The following PKHD1 variants were observed in gnomAD, a reference collection of about 807,000 sequenced individuals.
PKHD1 encodes the protein PKHD1 ciliary IPT domain containing fibrocystin/polyductin.
A neutral mutation model predicts 412.0 loss-of-function variants in PKHD1; 291 were observed. The ratio of observed to expected loss-of-function variants is 0.71; its 90% CI spans 0.64 to 0.78. The LOEUF (loss-of-function observed/expected upper bound fraction) is 0.78, where lower values mean the gene tolerates loss of function less well. PKHD1 is among the 30% of genes least tolerant of loss of function. The probability of loss-of-function intolerance (pLI) is 0.00; values close to 1 mark genes in which losing one functional copy is unlikely to be tolerated. For missense variants in PKHD1, 4,825 were observed against 4,950.7 expected, an observed-to-expected ratio of 0.97 and a Z score of 0.76; for synonymous variants, 1,777 against 1,821.5, an observed-to-expected ratio of 0.98 and a Z score of 0.62.
chr6:51,891,036 G>C (rs1779029091), intron 43 of PKHD1, among the ~76,000 whole-genome samples: 1 of 152,164 alleles, frequency 6.6e-6, no homozygotes, highest in African/African-American at 2.4e-5. Context: ...CCCATCCAAG[G>C]ACAGGGTCTT....
chr6:51,756,154 CA>C (rs898821433), intron 55 of PKHD1, among the ~76,000 whole-genome samples: 1 of 151,912 alleles, frequency 6.6e-6, no homozygotes, highest in Non-Finnish European at 1.5e-5. Context: ...ATAGAGAAGA[CA>C]AAAAAACTAC....
chr6:51,885,754 AG>A lies in PKHD1; in HGVS notation c.7215+112del, dbSNP rs1434167037. Reference sequence around the variant, plus strand: ...TGACAGCACAGCAATGCTCCCCTCAAGGGCAAGTCAATCCCATTTAAGTAGA... The same window carrying A: ...TGACAGCACAGCAATGCTCCCCTCAAGGCAAGTCAATCCCATTTAAGTAGA... On this transcript the variant is annotated intron_variant, in intron 45 of 66. Coordinates refer to ENST00000371117, the MANE Select transcript of PKHD1 (RefSeq NM_138694.4). 7 of 757,254 alleles carry A rather than the reference AG, an allele frequency of 9.2e-6. No homozygotes were observed. The East Asian group carries it at 1.9e-4, about 20-fold the overall frequency. The allele number at this position is 757,254 out of a possible 1,614,324, so 46.9% of individuals were successfully genotyped here. A position where few individuals can be genotyped will look rare whatever the true frequency, so the allele number is the denominator to read the frequency against.
At chr6:51,950,307 G>T (rs1053028617) in intron 36 of PKHD1, among the ~76,000 whole-genome samples, 1 of 150,166 alleles carries the variant, frequency 6.7e-6, no homozygotes, top group African/African-American at 2.5e-5. Context: ...CATCAACTCA[G>T]ATTTCCCTGG....
intron 52 of PKHD1, among the ~76,000 whole-genome samples, chr6:51,819,819 C>A (rs1328624458): frequency 6.6e-6 from 1 of 152,158 alleles, no homozygotes; most frequent in Non-Finnish European, 1.5e-5. Context: ...GGGTTTTAAT[C>A]TCTTTTAGCT....
chr6:51,990,119 C>T (rs751806579), intron 35 of PKHD1, among the ~76,000 whole-genome samples: 1 of 151,050 alleles, frequency 6.6e-6, no homozygotes, highest in Non-Finnish European at 1.5e-5. Context: ...CCTGGTGTGA[C>T]CTTTTATTCT....
At chr6:52,060,215 T>A (rs1808471442) in intron 14 of PKHD1, among the ~76,000 whole-genome samples, 173 bp from the exon 15 acceptor site, 1 of 152,204 alleles carries the variant, frequency 6.6e-6, no homozygotes, top group Admixed American at 6.5e-5. Flanking sequence ...ACCTGCCTAG[T>A]CTCAGTAGCC....
intron 60 of PKHD1, among the ~76,000 whole-genome samples, chr6:51,685,390 G>T (rs1298067137): frequency 6.6e-6 from 1 of 152,004 alleles, no homozygotes; most frequent in East Asian, 1.9e-4. Context: ...AAGTCTATGG[G>T]CTGATTATAC....
Position 52,025,911 on chromosome 6 carries a change from G to A in PKHD1, c.3899C>T (p.Thr1300Ile). 1 of 1,614,158 alleles carries A rather than the reference G, an allele frequency of 6.2e-7. No homozygotes were observed. The highest frequency in any genetic ancestry group is 1.1e-5 in the South Asian group (1 of 91,074). ...GFTFMYEAAA[T>I]PVVTAMQGEI... is the part of the protein sequence containing the mutation. ...TCCTTGCATGGCAGTGACTACTGGTGTTGCTGCCGCTTCATACATGAAGGT... is the reference window on the plus strand; with the variant it reads ...TCCTTGCATGGCAGTGACTACTGGTATTGCTGCCGCTTCATACATGAAGGT... The change falls in exon 32 of 67, where the codon ACA becomes ATA. Residue 1300 changes from threonine (T) to isoleucine (I), a missense_variant. By Grantham distance (89) the Thr-to-Ile change is moderately conservative. Transcript: ENST00000371117.
At chr6:52,062,696 C>T (rs761832595) in intron 13 of PKHD1, 36 bp from the exon 14 acceptor site, 12 of 1,613,008 alleles carry the variant, frequency 7.4e-6, no homozygotes, top group Admixed American at 1.7e-5. Context: ...CATTACAGGG[C>T]GCACCTTCCC....
At chr6:51,937,983 C>T (rs186852712) in intron 36 of PKHD1, among the ~76,000 whole-genome samples, 325 of 152,290 alleles carry the variant, frequency 2.1e-3, no homozygotes, top group African/African-American at 7.5e-3. Flanking sequence ...TGGCTTTGCT[C>T]ATTCCTAGGT....
chr6:51,857,412 A>G lies in PKHD1; in HGVS notation c.7734-1342T>C, dbSNP rs956356099. Among the ~76,000 whole-genome samples, 8 of 152,354 alleles carry G rather than the reference A, an allele frequency of 5.3e-5. No homozygotes were observed. The South Asian group carries it at 1.7e-3, about 32-fold the overall frequency. On this transcript the variant is annotated intron_variant, in intron 48 of 66. Transcript: ENST00000371117. ...TAAAGCCAATTTATAAGCCCGTGGA[A>G]TAATTCAAAAAGGAACTTTTTTAAG...
At chr6:51,954,227 A>T (rs1198532155) in intron 36 of PKHD1, among the ~76,000 whole-genome samples, 1 of 152,106 alleles carries the variant, frequency 6.6e-6, no homozygotes, top group Non-Finnish European at 1.5e-5. Flanking sequence ...GAAAACATCC[A>T]TACGAGACAG....
At chr6:51,965,232 G>T (rs1476696943) in intron 35 of PKHD1, among the ~76,000 whole-genome samples, 2 of 152,090 alleles carry the variant, frequency 1.3e-5, no homozygotes, top group African/African-American at 4.8e-5. Flanking sequence ...ATTAAAGTGT[G>T]ATTGATTCAA....
chr6:51,706,366 G>T (rs2150734221), intron 60 of PKHD1, among the ~76,000 whole-genome samples: 1 of 151,952 alleles, frequency 6.6e-6, no homozygotes, highest in East Asian at 1.9e-4. Flanking sequence ...CTTCCAACCT[G>T]TCTAAGAGAT....
At chr6:51,947,138 C>G (rs908561179) in intron 36 of PKHD1, among the ~76,000 whole-genome samples, 2 of 152,218 alleles carry the variant, frequency 1.3e-5, no homozygotes, top group Non-Finnish European at 2.9e-5. Context: ...CTCAAGGCCA[C>G]AGATGGCAAC....
chr6:51,980,471 T>C (rs1330520742), intron 35 of PKHD1, among the ~76,000 whole-genome samples: 1 of 152,238 alleles, frequency 6.6e-6, no homozygotes, highest in Non-Finnish European at 1.5e-5. Flanking sequence ...TATCAATTAA[T>C]GAAGTTTTAC....
chr6:51,859,077 C>T (rs1355833164), intron 48 of PKHD1, among the ~76,000 whole-genome samples: 1 of 152,158 alleles, frequency 6.6e-6, no homozygotes, highest in Non-Finnish European at 1.5e-5. Flanking sequence ...ACTCATATTT[C>T]TGCAATCCTA....
intron 52 of PKHD1, among the ~76,000 whole-genome samples, chr6:51,819,841 C>T (rs902560922): frequency 1.2e-4 from 18 of 152,130 alleles, no homozygotes; most frequent in African/African-American, 4.3e-4. Flanking sequence ...TCTTGGATGG[C>T]ATTTGGACCA....
chr6:51,774,300 TA>T (rs1471608324), intron 54 of PKHD1, among the ~76,000 whole-genome samples: 3 of 152,046 alleles, frequency 2.0e-5, no homozygotes, highest in African/African-American at 7.2e-5. Flanking sequence ...GAGCATGCAG[TA>T]AAAGAAATAC....
Sources: allele counts gnomAD v4.1 joint callset (sites outside exome capture counted in the v4.1 genomes callset), GRCh38; gene constraint gnomAD v4.1.1; transcripts MANE v1.5; gene names NCBI Gene and HGNC (gene_info 2026-07-23, HGNC 2026-07-21).